The following TXLNG variants were observed in gnomAD, a reference collection of about 807,000 sequenced individuals.
The protein encoded by TXLNG is taxilin gamma, also known as gamma-taxilin.
In TXLNG, 5 loss-of-function variants were observed where a neutral mutation model predicts 38.8. The observed-to-expected ratio is 0.13, with a 90% CI of 0.07 to 0.27. TXLNG has a LOEUF of 0.27. Ranked by LOEUF, TXLNG falls within the 10% of genes least tolerant of loss-of-function variation. The pLI, the probability that TXLNG is intolerant of heterozygous loss-of-function variation, is 1.00. For missense variants in TXLNG, 393 were observed against 398.2 expected, an observed-to-expected ratio of 0.99 and a Z score of 0.11; for synonymous variants, 182 against 158.2, an observed-to-expected ratio of 1.15 and a Z score of -1.13.
rs1166212031 is a variant in TXLNG at position 16,841,551 on chromosome X, C to G, written c.1372C>G (p.Gln458Glu). The change falls in exon 10 of 10, where the codon CAG (glutamine) becomes GAG (glutamate). Residue 458 changes from glutamine (Q) to glutamate (E), a missense_variant. Gln to Glu is a conservative substitution (Grantham distance 29, BLOSUM62 2). Transcript: ENST00000380122. ...TGAGAAGGTGGAAGTCCTGAAAGAGCAGGTATCCATCAAAGCGGCCATCAA... is the reference window on the plus strand; with the variant it reads ...TGAGAAGGTGGAAGTCCTGAAAGAGGAGGTATCCATCAAAGCGGCCATCAA... The part of the protein sequence containing the change: ...LNEKVEVLKE[Q>E]VSIKAAIKAA... The G allele has an allele frequency of 2.5e-6, 3 of 1,209,991 alleles. No homozygotes were observed. The African/African-American group carries it at 5.3e-5, about 21-fold the overall frequency.
rs191904903 is a variant in TXLNG, at chrX:16,834,186, G to C, written c.985-97G>C. 5.3e-4 allele frequency: 376 copies of C among 711,151 alleles called. 4 individuals carry two copies. In the African/African-American group the frequency reaches 7.7e-3, roughly 15 times the overall value. 58.6% of individuals were successfully genotyped at this position (711,151 alleles called of 1,213,427 possible). The stretch of plus-strand genomic sequence containing the variant: ...TTTCATCTGTAGACCTGTGGTTCTT[G>C]CTAAAATAGAAGGATGAAGCCTAAC... On this transcript the variant is annotated intron_variant, in intron 6 of 9. Coordinates refer to ENST00000380122, the MANE Select transcript of TXLNG (RefSeq NM_018360.3).
At position 16,842,056 on chromosome X, in the gene TXLNG, A is replaced by C; in HGVS notation, c.*290A>C. On this transcript the variant is annotated 3_prime_UTR_variant, in exon 10 of 10. Coordinates refer to ENST00000380122, the MANE Select transcript of TXLNG (RefSeq NM_018360.3). ...CTGCTCCTTGCACATTATCATCCTA[A>C]TGAAAATTTCACTGACAGGGCCGAC... is the stretch of plus-strand genomic sequence containing the variant. The C allele has an allele frequency of 4.1e-6, 1 of 242,836 alleles. No homozygotes were observed. Among genetic ancestry groups the C allele is most frequent in the Non-Finnish European group, 7.4e-6 (1 of 135,930 alleles). 20.0% of individuals were successfully genotyped at this position (242,836 alleles called of 1,213,427 possible). A position where few individuals can be genotyped will look rare whatever the true frequency, so the allele number is the denominator to read the frequency against.
intron 3 of TXLNG, among the ~76,000 whole-genome samples, chrX:16,827,424 T>C (rs1404027367): frequency 2.7e-5 from 3 of 111,378 alleles, no homozygotes; most frequent in Non-Finnish European, 3.8e-5. Flanking sequence ...GGAGCTGGTT[T>C]ATTTTCCAAA....
At chrX:16,840,416 C>T in intron 9 of TXLNG, 2 of 752,768 alleles carry the variant, frequency 2.7e-6, no homozygotes, top group Non-Finnish European at 3.1e-6. Context: ...CAACAAAGTA[C>T]GTTTTGCCTG....
intron 1 of TXLNG, among the ~76,000 whole-genome samples, chrX:16,806,302 A>T (rs1928326355): frequency 8.9e-6 from 1 of 112,365 alleles, no homozygotes; most frequent in Admixed American, 9.5e-5. Flanking sequence ...AGTATGGGGT[A>T]TCTTTGATAT....
chrX:16,821,049 A>G (rs754893070), intron 3 of TXLNG, among the ~76,000 whole-genome samples: 54 of 109,571 alleles, frequency 4.9e-4, no homozygotes, highest in East Asian at 1.1e-3. Context: ...GATTACAGGC[A>G]TGAGTCACCG....
intron 7 of TXLNG, 25 bp from the exon 8 acceptor site, chrX:16,837,568 A>AATTC (rs1319852126): frequency 9.0e-7 from 1 of 1,113,441 alleles, no homozygotes; most frequent in Non-Finnish European, 1.2e-6. Flanking sequence ...GGAACTCAGA[A>AATTC]TGTTTCATAC....
chrX:16,799,419 A>C (rs1239785196), intron 1 of TXLNG, among the ~76,000 whole-genome samples: 1 of 111,515 alleles, frequency 9.0e-6, no homozygotes, highest in Non-Finnish European at 1.9e-5. Flanking sequence ...TAGCTATACA[A>C]TGGGGTAATG....
At chrX:16,815,363 C>T (rs1167219159) in intron 1 of TXLNG, among the ~76,000 whole-genome samples, 2 of 108,535 alleles carry the variant, frequency 1.8e-5, no homozygotes, top group South Asian at 4.0e-4. Context: ...TTAGTAGAGA[C>T]GGGACTTCAC....
At chrX:16,823,307 A>G (rs1368507389) in intron 3 of TXLNG, among the ~76,000 whole-genome samples, 2 of 108,419 alleles carry the variant, frequency 1.8e-5, no homozygotes, top group Non-Finnish European at 3.8e-5. Context: ...AAAAATACAA[A>G]ATTTGCTGGG....
chrX:16,827,669 C>T (rs1038630517), intron 3 of TXLNG, among the ~76,000 whole-genome samples: 8 of 111,610 alleles, frequency 7.2e-5, no homozygotes, highest in East Asian at 5.6e-4. Context: ...CAGGCCAATA[C>T]GGAAGTCAAG....
intron 1 of TXLNG, among the ~76,000 whole-genome samples, chrX:16,790,411 A>G: frequency 9.1e-6 from 1 of 110,007 alleles, no homozygotes; most frequent in Non-Finnish European, 1.9e-5. Context: ...TATGTTGCCC[A>G]GGCTGGTCTT....
chrX:16,796,069 C>G lies in TXLNG; in HGVS notation c.102+9480C>G, dbSNP rs754469491. On this transcript the variant is annotated intron_variant, in intron 1 of 9. Coordinates refer to ENST00000380122, the MANE Select transcript of TXLNG (RefSeq NM_018360.3). ...CCTCAGGTGATCCACCCACCTCAGC[C>G]TCCCAAAGTGCTGGCATTACAGGCA... is the stretch of plus-strand genomic sequence containing the variant. 6.9e-4 allele frequency among the ~76,000 whole-genome samples: 77 copies of G among 111,553 alleles called. 1 individual carries two copies. Among genetic ancestry groups the G allele is most frequent in the Admixed American group, 2.2e-3 (23 of 10,428 alleles).
In TXLNG at chrX:16,839,086, T is replaced by C. The variant is rs951859035; in HGVS notation, c.1153-735T>C. 2.7e-5 allele frequency among the ~76,000 whole-genome samples: 3 copies of C among 112,153 alleles called. No individual in the cohort carries two copies. In the East Asian group the frequency reaches 8.4e-4, roughly 31 times the overall value. On this transcript the variant is annotated intron_variant, in intron 8 of 9. Coordinates refer to ENST00000380122, the MANE Select transcript of TXLNG (RefSeq NM_018360.3). ...AGTAGATGAAGGCATATTGAGAAAG[T>C]AGCTAGCTACAGGCATGGATAAATG...
chrX:16,790,094 G>A (rs777873683), intron 1 of TXLNG, among the ~76,000 whole-genome samples: 1 of 110,834 alleles, frequency 9.0e-6, no homozygotes, highest in African/African-American at 3.3e-5. Flanking sequence ...CACTGCGCCC[G>A]ACCCTTATCC....
intron 3 of TXLNG, among the ~76,000 whole-genome samples, chrX:16,826,383 C>T (rs1929166809): frequency 8.9e-6 from 1 of 112,041 alleles, no homozygotes; most frequent in Non-Finnish European, 1.9e-5. Flanking sequence ...CACTCTTGCT[C>T]TTCAAATTGT....
At chrX:16,825,035 A>AT (rs1446412461) in intron 3 of TXLNG, among the ~76,000 whole-genome samples, 2 of 112,095 alleles carry the variant, frequency 1.8e-5, no homozygotes, top group Non-Finnish European at 3.8e-5. Context: ...CACTAATGTG[A>AT]AAAGGACAAA....
intron 3 of TXLNG, among the ~76,000 whole-genome samples, chrX:16,827,825 A>T (rs1310464305): frequency 1.8e-5 from 2 of 112,234 alleles, no homozygotes; most frequent in Non-Finnish European, 3.8e-5. Flanking sequence ...AGGGTTGTGA[A>T]AATTAAATCT....
At chrX:16,809,345 GTTTTTTTT>G (rs56062713) in intron 1 of TXLNG, among the ~76,000 whole-genome samples, 1 of 74,446 alleles carries the variant, frequency 1.3e-5, no homozygotes, top group Non-Finnish European at 2.5e-5. Flanking sequence ...TCTTATAGTT[GTTTTTTTT>G]TTTTTTTTGA....
Sources: allele counts gnomAD v4.1 joint callset (sites outside exome capture counted in the v4.1 genomes callset), GRCh38; gene constraint gnomAD v4.1.1; transcripts MANE v1.5; gene names NCBI Gene and HGNC (gene_info 2026-07-23, HGNC 2026-07-21).